The following SPHKAP variants were observed in gnomAD, a reference collection of about 807,000 sequenced individuals.
SPHKAP encodes A-kinase anchor protein SPHKAP.
Under a neutral mutation model 137.5 loss-of-function variants are expected in SPHKAP, and 67 were observed. The observed-to-expected ratio is 0.49, with a 90% confidence interval of 0.40 to 0.60. SPHKAP has a LOEUF of 0.60. SPHKAP is among the 20% of genes least tolerant of loss of function. SPHKAP has a pLI of 0.00. For missense variants in SPHKAP, 2,097 were observed against 2,069.3 expected (o/e 1.01, Z -0.26); for synonymous variants, 813 against 785.3 (o/e 1.04, Z -0.59).
intron 3 of SPHKAP, among the ~76,000 whole-genome samples, chr2:228,057,967 G>T (rs1364795955): frequency 6.6e-6 from 1 of 152,136 alleles, no homozygotes; most frequent in Non-Finnish European, 1.5e-5. Context: ...TGACATAATT[G>T]TGAGGGCAGT....
At chr2:228,012,802 G>C (rs563638855) in intron 7 of SPHKAP, among the ~76,000 whole-genome samples, 1 of 152,322 alleles carries the variant, frequency 6.6e-6, no homozygotes, top group East Asian at 1.9e-4. Context: ...ATGTCAGTAA[G>C]TATAGCATGT....
Position 228,017,702 on chromosome 2 carries a change from TCC to T in SPHKAP, c.3150_3151del (p.Glu1051ValfsTer37). On this transcript the variant is annotated frameshift_variant, in exon 7 of 12. Transcript: ENST00000392056. LOFTEE classifies it high-confidence loss of function. ...CCACATGCCGTCCACCATAGAGAAC[TCC>T]GTTAGGTTCATGATCTTGGCTGCCA... is the stretch of plus-strand genomic sequence containing the variant. 1 of 1,613,964 alleles carries T rather than the reference TCC, an allele frequency of 6.2e-7. No homozygotes were observed. Among genetic ancestry groups the T allele is most frequent in the South Asian group, 1.1e-5 (1 of 91,060 alleles).
At chr2:228,140,938 T>C (rs1699587164) in intron 1 of SPHKAP, among the ~76,000 whole-genome samples, 1 of 152,162 alleles carries the variant, frequency 6.6e-6, no homozygotes, top group South Asian at 2.1e-4. Flanking sequence ...CCTGCAGAAC[T>C]ATGAGCCAAT....
Position 227,980,078 on chromosome 2 carries a change from A to G in SPHKAP, c.*1639T>C, listed in dbSNP as rs1692943680. ...AGTAAACATTTATTTGAGCACAACA[A>G]AAGTCTACACACAGTATTCTGGGAT... On this transcript the variant is annotated 3_prime_UTR_variant, in exon 12 of 12. Transcript: ENST00000392056. 6.6e-6 allele frequency: 1 copy of G among 152,640 alleles called. No individual in the cohort carries two copies. Among genetic ancestry groups the G allele is most frequent in the African/African-American group, 2.4e-5 (1 of 41,454 alleles). The allele number at this position is 152,640 out of a possible 1,614,324, so 9.5% of individuals were successfully genotyped here. A position where few individuals can be genotyped will look rare whatever the true frequency, so the allele number is the denominator to read the frequency against.
chr2:227,993,587 G>T lies in SPHKAP; in HGVS notation c.4668C>A (p.Gly1556=). 1 of 1,602,722 alleles carries T rather than the reference G, an allele frequency of 6.2e-7. No individual in the cohort carries two copies. The change falls in exon 9 of 12, where the codon GGC becomes GGA. Residue 1556 remains glycine, a synonymous_variant. Coordinates refer to ENST00000392056, the MANE Select transcript of SPHKAP (RefSeq NM_001142644.2). Reference sequence around the variant, plus strand: ...CCTGATAAATGTCCAGATCCATAATGCCAAGACTGCTAGTGGCACTACTGT... The same window carrying T: ...CCTGATAAATGTCCAGATCCATAATTCCAAGACTGCTAGTGGCACTACTGT... ...NGNSSATSSL[G]IMDLDIYQES... is the part of the protein sequence containing the mutation.
intron 1 of SPHKAP, among the ~76,000 whole-genome samples, chr2:228,154,718 T>TTA (rs1700057981): frequency 7.3e-6 from 1 of 137,608 alleles, no homozygotes; most frequent in Non-Finnish European, 1.6e-5. Context: ...CTGGCTAATT[T>TTA]TTTTTTTTTT....
chr2:228,001,803 A>G (rs1192496580), intron 7 of SPHKAP, among the ~76,000 whole-genome samples: 1 of 151,866 alleles, frequency 6.6e-6, no homozygotes, highest in Non-Finnish European at 1.5e-5. Flanking sequence ...CCCACCTATG[A>G]GTGAGAACGT....
intron 7 of SPHKAP, among the ~76,000 whole-genome samples, chr2:228,014,932 T>A (rs1411989443): frequency 1.1e-4 from 16 of 152,152 alleles, no homozygotes; most frequent in African/African-American, 3.4e-4. Flanking sequence ...TTATTATTAT[T>A]ATCATACTTT....
chr2:227,985,560 G>A (rs926299387), intron 11 of SPHKAP, among the ~76,000 whole-genome samples: 4 of 152,042 alleles, frequency 2.6e-5, no homozygotes, highest in African/African-American at 9.7e-5. Flanking sequence ...CCGCTGCATT[G>A]AAAAATAAAA....
intron 9 of SPHKAP, among the ~76,000 whole-genome samples, chr2:227,992,817 A>C (rs1693464232): frequency 6.6e-6 from 1 of 152,214 alleles, no homozygotes; most frequent in Non-Finnish European, 1.5e-5. Context: ...GCCTATACTT[A>C]TTTATCATTG....
intron 3 of SPHKAP, among the ~76,000 whole-genome samples, chr2:228,033,739 T>C (rs1452257737): frequency 6.6e-6 from 1 of 152,012 alleles, no homozygotes; most frequent in Non-Finnish European, 1.5e-5. Context: ...TCAAAACCAC[T>C]CAACTACATG....
rs148291159 is a variant in SPHKAP, at chr2:228,018,613, T to C, written c.2241A>G (p.Thr747=). Residue 747 remains threonine (T), a synonymous_variant, in exon 7 of 12, where the codon ACA becomes ACG. Coordinates refer to ENST00000392056, the MANE Select transcript of SPHKAP (RefSeq NM_001142644.2). ...LSKETIRRRE[T]EPSCQPSDPG... The stretch of plus-strand genomic sequence containing the variant: ...GATCAGATGGCTGGCAGCTTGGTTC[T>C]GTCTCCCTCCTTCTGATGGTCTCCT... The C allele has an allele frequency of 1.2e-5, 19 of 1,614,166 alleles. No homozygotes were observed. In the African/African-American group the frequency reaches 2.1e-4, roughly 18 times the overall value.
intron 3 of SPHKAP, among the ~76,000 whole-genome samples, chr2:228,034,975 G>C (rs200200411): frequency 0.2 from 30,435 of 149,720 alleles, 3,299 homozygotes; most frequent in East Asian, 0.42. Context: ...TGGCACAAGA[G>C]AGGGATGCCC....
intron 1 of SPHKAP, among the ~76,000 whole-genome samples, chr2:228,142,644 A>G (rs7576351): frequency 6.6e-5 from 10 of 152,154 alleles, no homozygotes; most frequent in Non-Finnish European, 1.5e-4. Flanking sequence ...TGGGAGCTAA[A>G]TGACAAGAGC....
rs1694680276 is a variant in SPHKAP at position 228,018,082 on chromosome 2, G to A, written c.2772C>T (p.Tyr924=). 1 of 1,614,212 alleles carries A rather than the reference G, an allele frequency of 6.2e-7. No individual in the cohort carries two copies. Reference sequence around the variant, plus strand: ...ATTCTTCCGCAAAGTCTGTAATGCAGTAGATGTCTGGATGCTTTGTTTGAA... The same window carrying A: ...ATTCTTCCGCAAAGTCTGTAATGCAATAGATGTCTGGATGCTTTGTTTGAA... ...STLQTKHPDI[Y]CITDFAEELA... is the part of the protein sequence containing the mutation. The change falls in exon 7 of 12, where the codon TAC becomes TAT. Residue 924 remains tyrosine (Y), a synonymous_variant. Transcript: ENST00000392056.
In SPHKAP at chr2:228,016,446, TCAC is replaced by T; in HGVS notation, c.4405_4407del (p.Val1469del). ...GCGCTCACGGCTGTGTCTCCACCTC[TCAC>T]CACATCTGGGATGTTTTTGTCATTC... On this transcript the variant is annotated inframe_deletion, in exon 7 of 12. Coordinates refer to ENST00000392056, the MANE Select transcript of SPHKAP (RefSeq NM_001142644.2). The T allele has an allele frequency of 6.2e-7, 1 of 1,610,598 alleles. No homozygotes were observed. The highest frequency in any genetic ancestry group is 1.1e-5 in the South Asian group (1 of 90,638).
At chr2:228,173,169 T>C (rs4973620) in intron 1 of SPHKAP, among the ~76,000 whole-genome samples, 92,653 of 151,980 alleles carry the variant, frequency 0.61, 28,624 homozygotes, top group East Asian at 0.69. Context: ...TCCCTCTTCC[T>C]TTTTATTTAA....
intron 11 of SPHKAP, among the ~76,000 whole-genome samples, chr2:227,986,406 T>C (rs578135572): frequency 6.6e-6 from 1 of 152,262 alleles, no homozygotes; most frequent in African/African-American, 2.4e-5. Flanking sequence ...TTATGGACTT[T>C]GGAGACTTGG....
chr2:228,048,805 G>A, intron 3 of SPHKAP, among the ~76,000 whole-genome samples: 1 of 152,134 alleles, frequency 6.6e-6, no homozygotes, highest in African/African-American at 2.4e-5. Flanking sequence ...TGTTTTTTGA[G>A]AAGTGTCTGT....
Sources: allele counts gnomAD v4.1 joint callset (sites outside exome capture counted in the v4.1 genomes callset), GRCh38; gene constraint gnomAD v4.1.1; transcripts MANE v1.5; gene names NCBI Gene and HGNC (gene_info 2026-07-23, HGNC 2026-07-21).